The following GALNT18 variants were observed in gnomAD, a reference collection of about 807,000 sequenced individuals.
GALNT18 encodes the protein GalNAc-transferase 18.
Under a neutral mutation model 69.5 loss-of-function variants are expected in GALNT18, and 44 were observed. That is an observed-to-expected ratio of 0.63 (90% confidence interval 0.50 to 0.81). The LOEUF is 0.81. GALNT18 is among the 40% of genes least tolerant of loss of function. GALNT18 has a pLI of 0.00. For synonymous variants in GALNT18, 364 were observed against 318.2 expected (o/e 1.14, Z -1.53); for missense variants, 715 against 810.0 (o/e 0.88, Z 1.42).
chr11:11,334,764 C>G (rs758403525), intron 7 of GALNT18, among the ~76,000 whole-genome samples: 1 of 152,154 alleles, frequency 6.6e-6, no homozygotes, highest in Non-Finnish European at 1.5e-5. Flanking sequence ...CAACTGTTAT[C>G]CTAGCCTTTC....
chr11:11,306,828 T>C (rs993492407), intron 9 of GALNT18, among the ~76,000 whole-genome samples: 2 of 89,892 alleles, frequency 2.2e-5, no homozygotes, highest in Admixed American at 3.1e-4. Flanking sequence ...TCACTTCATT[T>C]CTCCCTTTAT....
rs1056306203 is a variant in GALNT18 at position 11,584,441 on chromosome 11, G to A, written c.235+36918C>T. ...GATGGGAGATGCCGTAAGAGAAATGGGTTCCTATTCTCCAGTGCATTTCAA... is the reference window on the plus strand; with the variant it reads ...GATGGGAGATGCCGTAAGAGAAATGAGTTCCTATTCTCCAGTGCATTTCAA... On this transcript the variant is annotated intron_variant, in intron 1 of 10. Transcript: ENST00000227756. This position sits in a 1 kb window ranked among gnomAD's most constrained non-coding sequence, Gnocchi z 4.1. Among the ~76,000 whole-genome samples the A allele has an allele frequency of 6.6e-6, 1 of 152,150 alleles. No homozygotes were observed. The highest frequency in any genetic ancestry group is 2.4e-5 in the African/African-American group (1 of 41,430).
At chr11:11,433,620 G>T (rs1437637443) in intron 2 of GALNT18, among the ~76,000 whole-genome samples, 1 of 152,200 alleles carries the variant, frequency 6.6e-6, no homozygotes, top group Non-Finnish European at 1.5e-5. Flanking sequence ...AGGACTTGAG[G>T]TATTCCCCAC....
At chr11:11,285,855 G>T (rs538321169) in intron 10 of GALNT18, among the ~76,000 whole-genome samples, 2 of 152,102 alleles carry the variant, frequency 1.3e-5, no homozygotes, top group African/African-American at 4.8e-5. Flanking sequence ...TCGTCTTTGC[G>T]TGCGTTACTC....
At chr11:11,526,212 G>A (rs1008271332) in intron 1 of GALNT18, among the ~76,000 whole-genome samples, 1 of 152,218 alleles carries the variant, frequency 6.6e-6, no homozygotes, top group African/African-American at 2.4e-5. Context: ...AGATGTGGGT[G>A]GAGGGAGGGA....
chr11:11,525,308 T>C (rs989971058), intron 1 of GALNT18, among the ~76,000 whole-genome samples: 6 of 151,986 alleles, frequency 3.9e-5, no homozygotes, highest in African/African-American at 1.2e-4. Context: ...AATAGAAATA[T>C]TACCCTAGAA....
intron 1 of GALNT18, among the ~76,000 whole-genome samples, chr11:11,516,851 G>A (rs7928260): frequency 0.16 from 23,748 of 152,118 alleles, 2,045 homozygotes; most frequent in South Asian, 0.22. Flanking sequence ...TCATGGCCAC[G>A]GCTGACGCTA....
intron 9 of GALNT18, among the ~76,000 whole-genome samples, chr11:11,310,136 G>C (rs1457307454): frequency 6.6e-6 from 1 of 152,164 alleles, no homozygotes; most frequent in South Asian, 2.1e-4. Flanking sequence ...CTCAGATAGA[G>C]GTTTTCTCAC....
chr11:11,591,255 C>T lies in GALNT18; in HGVS notation c.235+30104G>A, dbSNP rs1290874945. On this transcript the variant is annotated intron_variant, in intron 1 of 10. Coordinates refer to ENST00000227756, the MANE Select transcript of GALNT18 (RefSeq NM_198516.3). This position sits in a 1 kb window ranked among gnomAD's most constrained non-coding sequence, Gnocchi z 4.8. ...TTAAAAGCTAAGACACACATACACA[C>T]ATTATTAGGCAATATTATCGTTGTG... is the stretch of plus-strand genomic sequence containing the variant. Among the ~76,000 whole-genome samples, 1 of 152,036 alleles carries T rather than the reference C, an allele frequency of 6.6e-6. No homozygotes were observed. The highest frequency in any genetic ancestry group is 1.5e-5 in the Non-Finnish European group (1 of 68,008).
intron 1 of GALNT18, among the ~76,000 whole-genome samples, chr11:11,553,236 C>A (rs1590092969): frequency 6.6e-6 from 1 of 152,354 alleles, no homozygotes; most frequent in East Asian, 1.9e-4. Context: ...TATCCCACCG[C>A]TTCCTGCTTC....
At chr11:11,473,816 G>T (rs1452198494) in intron 1 of GALNT18, among the ~76,000 whole-genome samples, 9 of 152,210 alleles carry the variant, frequency 5.9e-5, no homozygotes, top group African/African-American at 1.9e-4. Flanking sequence ...TGTAATCCCA[G>T]CACTTTGTGA....
At position 11,358,937 on chromosome 11, in the gene GALNT18, G is replaced by A. The variant is rs1211291681; in HGVS notation, c.1092+13578C>T. Among the ~76,000 whole-genome samples, 3 of 138,612 alleles carry A rather than the reference G, an allele frequency of 2.2e-5. 1 individual carries two copies. The highest frequency in any genetic ancestry group is 8.0e-5 in the African/African-American group (3 of 37,302). 90.9% of individuals were successfully genotyped at this position (138,612 alleles called of 152,430 possible). A position where few individuals can be genotyped will look rare whatever the true frequency, so the allele number is the denominator to read the frequency against. ...CTTGAGCCAACCATAACATTTAGAA[G>A]CAACTAGAAACTACAATCCAATTTA... is the stretch of plus-strand genomic sequence containing the variant. On this transcript the variant is annotated intron_variant, in intron 6 of 10. Transcript: ENST00000227756.
chr11:11,281,109 C>T (rs750144191), intron 10 of GALNT18, among the ~76,000 whole-genome samples: 1 of 152,222 alleles, frequency 6.6e-6, no homozygotes, highest in African/African-American at 2.4e-5. Context: ...GTCTTCCCCA[C>T]CATGCTGGGA....
At chr11:11,498,171 T>C (rs916012393) in intron 1 of GALNT18, among the ~76,000 whole-genome samples, 3 of 152,248 alleles carry the variant, frequency 2.0e-5, no homozygotes, top group Admixed American at 6.5e-5. Context: ...TTGACAGCCA[T>C]CATTGCTAGT....
intron 2 of GALNT18, among the ~76,000 whole-genome samples, chr11:11,442,822 T>A (rs895930833): frequency 8.5e-5 from 13 of 152,230 alleles, no homozygotes; most frequent in Admixed American, 2.6e-4. Flanking sequence ...CAAGAGCCAG[T>A]CCATCCTAAC....
chr11:11,280,640 T>G (rs997795656), intron 10 of GALNT18, among the ~76,000 whole-genome samples: 1 of 152,146 alleles, frequency 6.6e-6, no homozygotes, highest in Non-Finnish European at 1.5e-5. Flanking sequence ...TGGGACAATT[T>G]TGTATAATTT....
In GALNT18 at chr11:11,612,467, T is replaced by C. The variant is rs145655166; in HGVS notation, c.235+8892A>G. On this transcript the variant is annotated intron_variant, in intron 1 of 10. Coordinates refer to ENST00000227756, the MANE Select transcript of GALNT18 (RefSeq NM_198516.3). The stretch of plus-strand genomic sequence containing the variant: ...CTTAGCTTTCTAACTCTCATATCCA[T>C]TGGCCTAAGCAATTTTGGTACTGTT... 7.0e-3 allele frequency among the ~76,000 whole-genome samples: 1,069 copies of C among 152,330 alleles called. 9 individuals carry two copies. Among genetic ancestry groups the C allele is most frequent in the Admixed American group, 0.011 (171 of 15,298 alleles).
intron 1 of GALNT18, among the ~76,000 whole-genome samples, chr11:11,594,816 CATAT>C (rs1206038267): frequency 1.5e-3 from 183 of 121,498 alleles, no homozygotes; most frequent in East Asian, 1.9e-3. Flanking sequence ...TTATCTTGGG[CATAT>C]ATATATATAT....
chr11:11,413,788 A>C lies in GALNT18; in HGVS notation c.595+18833T>G, dbSNP rs1249772168. On this transcript the variant is annotated intron_variant, in intron 3 of 10. Transcript: ENST00000227756. This position sits in a 1 kb window ranked among gnomAD's most constrained non-coding sequence, Gnocchi z 4.7. ...AGGATGACTGTGGAGCTAGCTGTGC[A>C]GCCAAGCCAGGCTCAGCCTGTCCTG... is the stretch of plus-strand genomic sequence containing the variant. 6.6e-6 allele frequency among the ~76,000 whole-genome samples: 1 copy of C among 152,206 alleles called. No individual in the cohort carries two copies. Among genetic ancestry groups the C allele is most frequent in the South Asian group, 2.1e-4 (1 of 4,830 alleles).
Sources: gnomAD v4.1 joint callset for allele counts (sites outside exome capture counted in the v4.1 genomes callset) on GRCh38, gnomAD v4.1.1 for gene constraint, Gnocchi (gnomAD v3.1) non-coding constraint, MANE v1.5 for transcripts, NCBI Gene and HGNC (gene_info 2026-07-23, HGNC 2026-07-21) for gene names.